Variants in HSPA12B observed in about 807,000 individuals in gnomAD.
The protein encoded by HSPA12B is heat shock 70 kDa protein 12B.
Under a neutral mutation model 69.3 loss-of-function variants are expected in HSPA12B, and 54 were observed. That is an observed-to-expected ratio of 0.78 (90% CI 0.63 to 0.98). The LOEUF (loss-of-function observed/expected upper bound fraction) is 0.98. Ranked by LOEUF, HSPA12B falls within the 50% of genes least tolerant of loss-of-function variation. HSPA12B has a pLI of 0.00. For missense variants in HSPA12B, 929 were observed against 999.8 expected, an observed-to-expected ratio of 0.93 and a Z score of 0.96; for synonymous variants, 441 against 436.5, an observed-to-expected ratio of 1.01 and a Z score of -0.13.
intron 8 of HSPA12B, 43 bp downstream of exon 8, chr20:3,748,434 A>G (rs1364242047): frequency 3.9e-5 from 57 of 1,454,854 alleles, no homozygotes; most frequent in Non-Finnish European, 5.1e-5. Flanking sequence ...GGAGGGTCAG[A>G]GGGTCACTGA....
At chr20:3,746,070 A>T in intron 7 of HSPA12B, 39 bp downstream of exon 7, 2 of 1,496,990 alleles carry the variant, frequency 1.3e-6, no homozygotes, top group African/African-American at 1.4e-5. Context: ...ACTGCTCAGG[A>T]AGGGCCAGGC....
In HSPA12B at chr20:3,751,831, CGCTTCGTGGCCGCCGAGCA is replaced by C; in HGVS notation, c.1728_1746del (p.Phe577ArgfsTer136). 1 of 1,535,618 alleles carries C rather than the reference CGCTTCGTGGCCGCCGAGCA, an allele frequency of 6.5e-7. No homozygotes were observed. Among genetic ancestry groups the C allele is most frequent in the Non-Finnish European group, 8.7e-7 (1 of 1,146,968 alleles). On this transcript the variant is annotated frameshift_variant, in exon 13 of 13. Coordinates refer to ENST00000254963, the MANE Select transcript of HSPA12B (RefSeq NM_052970.5). LOFTEE classifies it high-confidence loss of function. ...CCGCTGGTGCACCGACGTCTTCGAG[CGCTTCGTGGCCGCCGAGCA>C]GTCGGTGGCCCTGGGCGAGGAGGTG...
chr20:3,742,329 G>A lies in HSPA12B; in HGVS notation c.187G>A (p.Val63Met), dbSNP rs1412708382. ...APQQASFSVV[V>M]AIDFGTTSSG... is the part of the protein sequence containing the mutation. The stretch of plus-strand genomic sequence containing the variant: ...CCAGCAGGCCTCCTTCTCTGTGGTG[G>A]TGGCCATTGACTTCGGCACCACGTC... The change falls in exon 4 of 13, where the codon GTG becomes ATG. Residue 63 changes from valine (V) to methionine (M), a missense_variant. This residue lies in a region of HSPA12B where 477 missense variants were observed against 535.2 expected (regional missense o/e 0.89). Transcript: ENST00000254963. 1.2e-6 allele frequency: 2 copies of A among 1,614,168 alleles called. No homozygotes were observed. Among genetic ancestry groups the A allele is most frequent in the South Asian group, 1.1e-5 (1 of 91,078 alleles).
rs1337507013 is a variant in HSPA12B at position 3,751,854 on chromosome 20, G to A, written c.1749G>A (p.Ser583=). ...VFERFVAAEQ[S]VALGEEVRRS... is the part of the protein sequence containing the mutation. Reference sequence around the variant, plus strand: ...AGCGCTTCGTGGCCGCCGAGCAGTCGGTGGCCCTGGGCGAGGAGGTGCGGC... The same window carrying A: ...AGCGCTTCGTGGCCGCCGAGCAGTCAGTGGCCCTGGGCGAGGAGGTGCGGC... The change falls in exon 13 of 13, where the codon TCG becomes TCA. Residue 583 remains serine (S), a synonymous_variant. Coordinates refer to ENST00000254963, the MANE Select transcript of HSPA12B (RefSeq NM_052970.5). The A allele has an allele frequency of 1.3e-6, 2 of 1,546,868 alleles. No homozygotes were observed. The highest frequency in any genetic ancestry group is 1.7e-6 in the Non-Finnish European group (2 of 1,152,206).
At chr20:3,741,660 G>T (rs938573526) in intron 3 of HSPA12B, among the ~76,000 whole-genome samples, 1 of 152,150 alleles carries the variant, frequency 6.6e-6, no homozygotes, top group African/African-American at 2.4e-5. Context: ...CTAGCTTGAA[G>T]TATCCAGGAC....
intron 11 of HSPA12B, 28 bp from the exon 12 acceptor site, chr20:3,750,776 G>A: frequency 6.2e-7 from 1 of 1,613,364 alleles, no homozygotes. Context: ...CCTGACCGAT[G>A]GATATTTGCC....
intron 7 of HSPA12B, among the ~76,000 whole-genome samples, chr20:3,746,821 G>A (rs960753723): frequency 1.3e-5 from 2 of 152,166 alleles, no homozygotes; most frequent in South Asian, 4.1e-4. Context: ...GTCTGTCACT[G>A]GTTCTGGGGA....
At chr20:3,747,088 C>T (rs368843675) in intron 7 of HSPA12B, among the ~76,000 whole-genome samples, 17 of 152,196 alleles carry the variant, frequency 1.1e-4, no homozygotes, top group African/African-American at 3.6e-4. Flanking sequence ...GGTCTTCCTA[C>T]CACTGAGATG....
At chr20:3,742,065 C>T (rs2088211319) in intron 3 of HSPA12B, among the ~76,000 whole-genome samples, 1 of 151,958 alleles carries the variant, frequency 6.6e-6, no homozygotes. Flanking sequence ...CCAAACCCTG[C>T]CTGGGGCTAC....
chr20:3,733,727 C>T, intron 1 of HSPA12B, among the ~76,000 whole-genome samples: 1 of 152,224 alleles, frequency 6.6e-6, no homozygotes, highest in South Asian at 2.1e-4. Context: ...CTGGTTGGCC[C>T]AGTCTGTGGC....
chr20:3,745,425 G>A lies in HSPA12B; in HGVS notation c.454-68G>A. ...GCTCCAGGAAACGGGGTGATTTTAA[G>A]AGCGAGGTCGTCAGGAAATGAGTGC... On this transcript the variant is annotated intron_variant, in intron 5 of 12. Transcript: ENST00000254963. This position sits in a 1 kb window ranked among gnomAD's most constrained non-coding sequence, Gnocchi z 5.6. 1 of 1,133,068 alleles carries A rather than the reference G, an allele frequency of 8.8e-7. No individual in the cohort carries two copies. Among genetic ancestry groups the A allele is most frequent in the African/African-American group, 1.5e-5 (1 of 65,610 alleles). The allele number at this position is 1,133,068 out of a possible 1,614,324, so 70.2% of individuals were successfully genotyped here. A position where few individuals can be genotyped will look rare whatever the true frequency, so the allele number is the denominator to read the frequency against.
At position 3,738,783 on chromosome 20, in the gene HSPA12B, C is replaced by G; in HGVS notation, c.43+66C>G. ...CACCCGAGCAGGCACTGAGACCCAC[C>G]TACAGGTTGTGCAATGTACCTCTCC... On this transcript the variant is annotated intron_variant, in intron 2 of 12. Transcript: ENST00000254963. The G allele has an allele frequency of 3.2e-6, 5 of 1,556,300 alleles. No homozygotes were observed. In the South Asian group the frequency reaches 5.6e-5, roughly 17 times the overall value.
intron 1 of HSPA12B, among the ~76,000 whole-genome samples, chr20:3,733,776 G>A (rs939497356): frequency 2.6e-5 from 4 of 152,198 alleles, no homozygotes; most frequent in Non-Finnish European, 5.9e-5. Flanking sequence ...GCCCGCTGAC[G>A]GAGTCCTGTT....
At chr20:3,743,150 T>C (rs1480379526) in intron 4 of HSPA12B, among the ~76,000 whole-genome samples, 1 of 147,684 alleles carries the variant, frequency 6.8e-6, no homozygotes, top group Non-Finnish European at 1.5e-5. Context: ...CCTCCCAGAG[T>C]GCTAGGATTA....
Position 3,740,879 on chromosome 20 carries a change from C to A in HSPA12B, c.108C>A (p.Cys36Ter). The A allele has an allele frequency of 6.2e-7, 1 of 1,613,582 alleles. No individual in the cohort carries two copies. The highest frequency in any genetic ancestry group is 8.5e-7 in the Non-Finnish European group (1 of 1,179,836). Residue 36 changes from cysteine (C) to a stop codon, truncating the protein, a stop_gained, in exon 3 of 13, where the codon TGC becomes TGA. Coordinates refer to ENST00000254963, the MANE Select transcript of HSPA12B (RefSeq NM_052970.5). LOFTEE classifies it high-confidence loss of function. The surrounding 1 kb of genome is among the most constrained non-coding windows in gnomAD (Gnocchi z 4.9). ...GCTCCCCGAGGACCCAGGAAAGCTG[C>A]GGCATTGCCCCCCTCACACCCTCGC... ...PPGSPRTQESCGIAPLTPSQS... is the reference protein window; with the variant it reads ...PPGSPRTQES
intron 1 of HSPA12B, among the ~76,000 whole-genome samples, chr20:3,733,396 C>T (rs1018904093): frequency 6.6e-6 from 1 of 152,068 alleles, no homozygotes; most frequent in African/African-American, 2.4e-5. Context: ...AAACTAGGGA[C>T]CCTCCGGAGA....
chr20:3,740,853 G>A lies in HSPA12B; in HGVS notation c.82G>A (p.Gly28Ser), dbSNP rs745982790. The part of the protein sequence containing the change: ...PERSPVPSPP[G>S]SPRTQESCGI... ...GCGGTCCCCAGTGCCTAGCCCACCC[G>A]GCTCCCCGAGGACCCAGGAAAGCTG... The change falls in exon 3 of 13, where the codon GGC becomes AGC. Residue 28 changes from glycine to serine, a missense_variant. Physicochemically the swap from Gly to Ser is moderately conservative, Grantham distance 56. Transcript: ENST00000254963. The surrounding 1 kb of genome is among the most constrained non-coding windows in gnomAD (Gnocchi z 4.9). 8.7e-6 allele frequency: 14 copies of A among 1,613,722 alleles called. No individual in the cohort carries two copies. The South Asian group carries it at 8.8e-5, about 10-fold the overall frequency.
At chr20:3,742,540 C>T in intron 4 of HSPA12B, 132 bp downstream of exon 4, 1 of 686,250 alleles carries the variant, frequency 1.5e-6, no homozygotes, top group South Asian at 2.1e-5. Context: ...GGGCTCCCCA[C>T]TGGGGTAAAA....
Position 3,748,329 on chromosome 20 carries a change from G to T in HSPA12B, c.788G>T (p.Gly263Val). Residue 263 changes from glycine (G) to valine (V), a missense_variant, in exon 8 of 13, where the codon GGC (glycine) becomes GTC (valine). This residue lies in a region of HSPA12B where 477 missense variants were observed against 535.2 expected (regional missense o/e 0.89). Transcript: ENST00000254963. ...LRLHQLLDLS[G>V]RAPGGGRLGE... ...CTGCACCAGCTCCTGGACCTGAGTG[G>T]CCGGGCCCCAGGTGGTGGGCGCCTG... is the stretch of plus-strand genomic sequence containing the variant. The T allele has an allele frequency of 6.2e-7, 1 of 1,610,842 alleles. No individual in the cohort carries two copies. The highest frequency in any genetic ancestry group is 2.2e-5 in the East Asian group (1 of 44,696).
Sources: gnomAD v4.1 joint callset for allele counts (sites outside exome capture counted in the v4.1 genomes callset) on GRCh38, gnomAD v4.1.1 for gene constraint, gnomAD v4.1.1 regional missense constraint, Gnocchi (gnomAD v3.1) non-coding constraint, MANE v1.5 for transcripts, NCBI Gene and HGNC (gene_info 2026-07-23, HGNC 2026-07-21) for gene names.